PRDM5: variants seen among roughly 807,000 people sequenced by gnomAD.
PRDM5 encodes the protein PR/SET domain 5.
In PRDM5, 56 loss-of-function variants were observed where a neutral mutation model predicts 81.2. That is an observed-to-expected ratio of 0.69 (90% confidence interval 0.56 to 0.86). The LOEUF is 0.86. Ranked by LOEUF, PRDM5 falls within the 40% of genes least tolerant of loss-of-function variation. The pLI is 0.00. For synonymous variants in PRDM5, 267 were observed against 256.4 expected (o/e 1.04, Z -0.39); for missense variants, 697 against 770.1 (o/e 0.91, Z 1.12).
At chr4:120,904,811 GATC>G (rs1765615312) in intron 2 of PRDM5, among the ~76,000 whole-genome samples, 1 of 152,006 alleles carries the variant, frequency 6.6e-6, no homozygotes. Context: ...ACATTAATAT[GATC>G]ATCACACTAA....
At chr4:120,743,409 G>A (rs1164203685) in intron 14 of PRDM5, among the ~76,000 whole-genome samples, 452 of 126,824 alleles carry the variant, frequency 3.6e-3, no homozygotes, top group African/African-American at 0.012. Flanking sequence ...ATAATGACAG[G>A]ATCAAATTCA....
At chr4:120,876,602 A>G (rs2148563258) in intron 2 of PRDM5, among the ~76,000 whole-genome samples, 1 of 152,318 alleles carries the variant, frequency 6.6e-6, no homozygotes, top group South Asian at 2.1e-4. Context: ...CTAAAAACAT[A>G]AAGACCTTAC....
At chr4:120,785,472 T>C (rs1407739256) in intron 10 of PRDM5, among the ~76,000 whole-genome samples, 2 of 152,142 alleles carry the variant, frequency 1.3e-5, no homozygotes, top group South Asian at 2.1e-4. Context: ...GGTACAACAT[T>C]TGCAACACAG....
intron 10 of PRDM5, among the ~76,000 whole-genome samples, chr4:120,791,817 G>T (rs1750616128): frequency 6.6e-6 from 1 of 152,178 alleles, no homozygotes; most frequent in African/African-American, 2.4e-5. Context: ...GGTTCTAAGG[G>T]TGGACGCTTT....
intron 2 of PRDM5, among the ~76,000 whole-genome samples, chr4:120,895,285 A>G (rs1200084804): frequency 6.6e-6 from 1 of 152,160 alleles, no homozygotes; most frequent in African/African-American, 2.4e-5. Context: ...TGGAACAGAA[A>G]TGGGTAGAGA....
In PRDM5 at chr4:120,821,227, A is replaced by G. The variant is rs1386575628; in HGVS notation, c.419T>C (p.Val140Ala). 1 of 1,613,934 alleles carries G rather than the reference A, an allele frequency of 6.2e-7. No homozygotes were observed. The highest frequency in any genetic ancestry group is 8.5e-7 in the Non-Finnish European group (1 of 1,180,006). ...AEEEEQQIMT[V>A]IKEGEVENSR... Reference sequence around the variant, plus strand: ...ATTTTCAACTTCCCCTTCTTTGATGACTGTCATAATTTGCTGTTCTTCCTC... The same window carrying G: ...ATTTTCAACTTCCCCTTCTTTGATGGCTGTCATAATTTGCTGTTCTTCCTC... Residue 140 changes from valine to alanine, a missense_variant, in exon 4 of 16, where the codon GTC (valine) becomes GCC (alanine). Physicochemically the swap from Val to Ala is moderately conservative, Grantham distance 64. This residue lies in a region of PRDM5 where 577 missense variants were observed against 606.7 expected (regional missense o/e 0.95). Coordinates refer to ENST00000264808, the MANE Select transcript of PRDM5 (RefSeq NM_018699.4).
At chr4:120,843,537 T>C (rs1311420540) in intron 3 of PRDM5, among the ~76,000 whole-genome samples, 4 of 151,744 alleles carry the variant, frequency 2.6e-5, no homozygotes, top group Admixed American at 6.6e-5. Flanking sequence ...ACCCCATCTC[T>C]ACAATAAATT....
In PRDM5 at chr4:120,816,987, T is replaced by C. The variant is rs1168067808; in HGVS notation, c.651-63A>G. The C allele has an allele frequency of 6.4e-6, 8 of 1,258,556 alleles. No individual in the cohort carries two copies. The Admixed American group carries it at 6.8e-5, about 11-fold the overall frequency. The allele number at this position is 1,258,556 out of a possible 1,614,324, so 78.0% of individuals were successfully genotyped here. A position where few individuals can be genotyped will look rare whatever the true frequency, so the allele number is the denominator to read the frequency against. On this transcript the variant is annotated intron_variant, in intron 5 of 15. Transcript: ENST00000264808. ...AAAAACTGGAACTCTAAGACAAAAA[T>C]GAAACTACACTAACTCTGAATAAAG...
At chr4:120,765,268 T>C (rs1746214670) in intron 13 of PRDM5, among the ~76,000 whole-genome samples, 1 of 152,192 alleles carries the variant, frequency 6.6e-6, no homozygotes, top group Non-Finnish European at 1.5e-5. Context: ...TAACAATGTG[T>C]AAGCAAGCCT....
At chr4:120,830,814 T>C (rs1756623119) in intron 3 of PRDM5, among the ~76,000 whole-genome samples, 1 of 151,988 alleles carries the variant, frequency 6.6e-6, no homozygotes, top group South Asian at 2.1e-4. Context: ...TTTAGTATGA[T>C]TCCTAAAAAC....
downstream of PRDM5, among the ~76,000 whole-genome samples, chr4:120,690,824 T>TG (rs1185248042): frequency 6.6e-6 from 1 of 152,154 alleles, no homozygotes; most frequent in African/African-American, 2.4e-5. Flanking sequence ...TGTTTTGCAT[T>TG]GATTTAGATG....
At chr4:120,856,028 A>G (rs1043657290) in intron 2 of PRDM5, among the ~76,000 whole-genome samples, 1 of 152,208 alleles carries the variant, frequency 6.6e-6, no homozygotes, top group African/African-American at 2.4e-5. Context: ...TTATAGTAAG[A>G]ATATTTGAGT....
At chr4:120,802,417 G>A (rs140976194) in intron 8 of PRDM5, among the ~76,000 whole-genome samples, 99 of 152,316 alleles carry the variant, frequency 6.5e-4, no homozygotes, top group Non-Finnish European at 1.2e-3. Context: ...AGGACAGTGG[G>A]TGCCTGACTC....
At chr4:120,741,416 G>A (rs534446680) in intron 14 of PRDM5, among the ~76,000 whole-genome samples, 8 of 151,812 alleles carry the variant, frequency 5.3e-5, no homozygotes, top group Admixed American at 2.0e-4. Context: ...GTTATCAGGG[G>A]GGAGGAGCCA....
At chr4:120,788,339 T>C (rs2149257576) in intron 10 of PRDM5, among the ~76,000 whole-genome samples, 1 of 152,260 alleles carries the variant, frequency 6.6e-6, no homozygotes, top group South Asian at 2.1e-4. Flanking sequence ...AAGAATACCA[T>C]TTAAGCCGCA....
chr4:120,725,598 G>A (rs185501299), intron 14 of PRDM5, among the ~76,000 whole-genome samples: 1 of 152,256 alleles, frequency 6.6e-6, no homozygotes, highest in East Asian at 1.9e-4. Context: ...AAAGAGTGAT[G>A]AACCATCCCT....
At chr4:120,845,735 C>G (rs939788988) in intron 3 of PRDM5, among the ~76,000 whole-genome samples, 1 of 152,204 alleles carries the variant, frequency 6.6e-6, no homozygotes, top group South Asian at 2.1e-4. Flanking sequence ...TTCTGAAACA[C>G]ACTTCATAAG....
chr4:120,735,038 A>G (rs1298237712), intron 14 of PRDM5, among the ~76,000 whole-genome samples: 1 of 152,224 alleles, frequency 6.6e-6, no homozygotes, highest in African/African-American at 2.4e-5. Flanking sequence ...GCATGTTCTT[A>G]AAGAGTTACA....
chr4:120,790,548 G>A (rs961773507), intron 10 of PRDM5, among the ~76,000 whole-genome samples: 3 of 152,084 alleles, frequency 2.0e-5, no homozygotes, highest in Non-Finnish European at 4.4e-5. Flanking sequence ...TTTAAATTGA[G>A]ATTTATGTAC....
Sources: allele counts gnomAD v4.1 joint callset (sites outside exome capture counted in the v4.1 genomes callset), GRCh38; gene constraint gnomAD v4.1.1; regional missense constraint gnomAD v4.1.1; transcripts MANE v1.5; gene names NCBI Gene and HGNC (gene_info 2026-07-23, HGNC 2026-07-21).